SUGP2: variants seen among roughly 807,000 people sequenced by gnomAD.
The protein encoded by SUGP2 is SURP and G-patch domain-containing protein 2.
SUGP2 carries 24 observed loss-of-function variants against 90.5 expected under a neutral mutation model. The ratio of observed to expected loss-of-function variants is 0.27; its 90% CI spans 0.19 to 0.37. SUGP2 has a LOEUF of 0.37. SUGP2 is among the 10% of genes least tolerant of loss of function. SUGP2 has a pLI of 1.00. For missense variants in SUGP2, 1,233 were observed against 1,363.3 expected, an observed-to-expected ratio of 0.90 and a Z score of 1.51; for synonymous variants, 473 against 513.4, an observed-to-expected ratio of 0.92 and a Z score of 1.06.
Position 19,004,220 on chromosome 19 carries a change from C to T in SUGP2, c.2877G>A (p.Lys959=). 6.2e-7 allele frequency: 1 copy of T among 1,601,538 alleles called. No homozygotes were observed. Among genetic ancestry groups the T allele is most frequent in the Non-Finnish European group, 8.5e-7 (1 of 1,172,820 alleles). The change falls in exon 7 of 11, where the codon AAG becomes AAA. Residue 959 remains lysine, a synonymous_variant. Transcript: ENST00000452918. ...PRKRISSKSL[K]VGMIPAPKRV... ...TCTTGGGAGCTGGAATCATGCCAACCTTCAATGACTTGCTGCTGATCCTCT... is the reference window on the plus strand; with the variant it reads ...TCTTGGGAGCTGGAATCATGCCAACTTTCAATGACTTGCTGCTGATCCTCT...
At chr19:19,009,244 C>T (rs207477023) in intron 5 of SUGP2, among the ~76,000 whole-genome samples, 11 of 152,132 alleles carry the variant, frequency 7.2e-5, no homozygotes, top group African/African-American at 2.4e-4. Flanking sequence ...CAGTTTGGAA[C>T]GGCTCACGAC....
intron 5 of SUGP2, 93 bp from the exon 6 acceptor site, chr19:19,008,521 G>A (rs1311708356): frequency 1.0e-6 from 1 of 980,838 alleles, no homozygotes; most frequent in Middle Eastern, 2.8e-4. Flanking sequence ...TATAAAGATG[G>A]CCTGCATGTC....
chr19:19,033,430 G>C lies in SUGP2; in HGVS notation c.-12+7C>G, dbSNP rs950304849. The C allele has an allele frequency of 8.0e-6, 11 of 1,373,828 alleles. No individual in the cohort carries two copies. The highest frequency in any genetic ancestry group is 1.4e-5 in the South Asian group (1 of 71,228). 85.1% of individuals were successfully genotyped at this position (1,373,828 alleles called of 1,614,324 possible). On this transcript the variant is annotated splice_region_variant and intron_variant, in intron 1 of 10. Coordinates refer to ENST00000452918, the MANE Select transcript of SUGP2 (RefSeq NM_001017392.5). Reference sequence around the variant, plus strand: ...ACCCACCGACGACGCCAGGGCCCGGGCCTCACCCCGAGACCACCGCGCGCG... The same window carrying C: ...ACCCACCGACGACGCCAGGGCCCGGCCCTCACCCCGAGACCACCGCGCGCG...
At chr19:18,994,152 G>A (rs2057475427) in intron 10 of SUGP2, 2 of 602,630 alleles carry the variant, frequency 3.3e-6, no homozygotes, top group Non-Finnish European at 5.5e-6. Flanking sequence ...CCCTTGGCCA[G>A]TGTGAGGTTT....
chr19:19,025,010 G>C lies in SUGP2; in HGVS notation c.1338C>G (p.Ala446=), dbSNP rs768942039. ...TGACACTTAGCTCGTAGGCATTGCA[G>C]GCCATAAGCAAAGGTGTGACACTCT... ...LLKSVTPLLM[A]CNAYELSVKM... Residue 446 remains alanine, a synonymous_variant, in exon 3 of 11, where the codon GCC becomes GCG. Transcript: ENST00000452918. 1 of 1,614,210 alleles carries C rather than the reference G, an allele frequency of 6.2e-7. No homozygotes were observed. Among genetic ancestry groups the C allele is most frequent in the Non-Finnish European group, 8.5e-7 (1 of 1,180,046 alleles).
At chr19:19,014,007 A>G (rs1401293029) in intron 4 of SUGP2, among the ~76,000 whole-genome samples, 2 of 152,080 alleles carry the variant, frequency 1.3e-5, no homozygotes, top group Non-Finnish European at 2.9e-5. Flanking sequence ...TCATTGATTG[A>G]TTTGAGACGG....
intron 3 of SUGP2, among the ~76,000 whole-genome samples, chr19:19,023,950 G>GA (rs199684887): frequency 8.7e-5 from 13 of 150,004 alleles, no homozygotes; most frequent in African/African-American, 2.9e-4. Flanking sequence ...AGGTTAAAAA[G>GA]AAAAAAAAAG....
At chr19:19,019,536 ATTAC>A (rs1247004150) in intron 3 of SUGP2, among the ~76,000 whole-genome samples, 5 of 152,284 alleles carry the variant, frequency 3.3e-5, no homozygotes, top group South Asian at 2.1e-4. Context: ...TTTTTCACAT[ATTAC>A]TTAATAATTT....
chr19:19,004,625 A>G lies in SUGP2; in HGVS notation c.2472T>C (p.Ser824=). ...TCTTTCGATAGAATTTGAAAGCAGA[A>G]CTATTTTGGTCATGTAGAAACCTGG... is the stretch of plus-strand genomic sequence containing the variant. The part of the protein sequence containing the change: ...PDLWFLHDQN[S]SAFKFYRKKV... Residue 824 remains serine (S), a synonymous_variant, in exon 7 of 11, where the codon AGT becomes AGC. Coordinates refer to ENST00000452918, the MANE Select transcript of SUGP2 (RefSeq NM_001017392.5). The G allele has an allele frequency of 1.2e-6, 2 of 1,609,930 alleles. No homozygotes were observed. The highest frequency in any genetic ancestry group is 2.2e-5 in the South Asian group (2 of 90,798).
chr19:18,994,236 A>T, intron 10 of SUGP2, 130 bp downstream of exon 10: 1 of 1,274,680 alleles, frequency 7.8e-7, no homozygotes, highest in Non-Finnish European at 1.1e-6. Context: ...CCCTCACAGA[A>T]TTTTGTGATT....
rs2059133824 is a variant in SUGP2, at chr19:19,031,096, G to GA, written c.-11-15dup. On this transcript the variant is annotated splice_polypyrimidine_tract_variant and intron_variant, in intron 1 of 10. Coordinates refer to ENST00000452918, the MANE Select transcript of SUGP2 (RefSeq NM_001017392.5). The stretch of plus-strand genomic sequence containing the variant: ...TGTTATTTTGCCCTATGGTGAGAGA[G>GA]AAAAAAATACACTAAGAGCAACAAC... The GA allele has an allele frequency of 6.2e-7, 1 of 1,602,102 alleles. No individual in the cohort carries two copies. The highest frequency in any genetic ancestry group is 8.5e-7 in the Non-Finnish European group (1 of 1,176,400).
chr19:19,020,260 T>C (rs1359666796), intron 3 of SUGP2, among the ~76,000 whole-genome samples: 2 of 151,122 alleles, frequency 1.3e-5, no homozygotes, highest in Non-Finnish European at 1.5e-5. Flanking sequence ...AAACTCCATT[T>C]CTACTAAAAA....
At chr19:19,031,192 G>C in intron 1 of SUGP2, 110 bp from the exon 2 acceptor site, 1 of 1,172,800 alleles carries the variant, frequency 8.5e-7, no homozygotes, top group South Asian at 1.5e-5. Context: ...CGGATCACCT[G>C]AGCTCAGGAG....
chr19:19,025,061 T>C lies in SUGP2; in HGVS notation c.1287A>G (p.Ile429Met). The C allele has an allele frequency of 6.2e-7, 1 of 1,614,216 alleles. No individual in the cohort carries two copies. Among genetic ancestry groups the C allele is most frequent in the Non-Finnish European group, 8.5e-7 (1 of 1,180,046 alleles). ...FEIIKPFDKY[I>M]MRLQDRLLKS... ...TCAGAAGCCGGTCTTGAAGTCTCAT[T>C]ATGTACTTGTCAAAAGGCTTTATGA... Residue 429 changes from isoleucine (I) to methionine (M), a missense_variant, in exon 3 of 11, where the codon ATA (isoleucine) becomes ATG (methionine). Transcript: ENST00000452918.
chr19:18,998,902 G>A lies in SUGP2; in HGVS notation c.2991+2711C>T, dbSNP rs1255502315. 2.6e-5 allele frequency: 4 copies of A among 152,424 alleles called. No individual in the cohort carries two copies. In the East Asian group the frequency reaches 7.7e-4, roughly 29 times the overall value. The allele number at this position is 152,424 out of a possible 1,614,324, so 9.4% of individuals were successfully genotyped here. ...CCTTGCCATGAGAAAGTGGCCTGGAGAAAAGAGGTGACAGAACCCACCGGC... is the reference window on the plus strand; with the variant it reads ...CCTTGCCATGAGAAAGTGGCCTGGAAAAAAGAGGTGACAGAACCCACCGGC... On this transcript the variant is annotated intron_variant, in intron 8 of 10. Transcript: ENST00000452918.
At chr19:19,001,151 G>C (rs1373037680) in intron 8 of SUGP2, among the ~76,000 whole-genome samples, 1 of 152,088 alleles carries the variant, frequency 6.6e-6, no homozygotes, top group Admixed American at 6.6e-5. Context: ...GAGTGGCTGG[G>C]ACTACAGGCG....
chr19:19,028,195 G>A (rs1178762873), intron 2 of SUGP2, among the ~76,000 whole-genome samples: 3 of 152,156 alleles, frequency 2.0e-5, no homozygotes, highest in Admixed American at 6.6e-5. Flanking sequence ...GGGATGACCT[G>A]GGCATCAGGG....
chr19:19,015,188 C>T (rs924713470), intron 4 of SUGP2, among the ~76,000 whole-genome samples: 7 of 147,266 alleles, frequency 4.8e-5, no homozygotes, highest in East Asian at 2.0e-4. Context: ...GGGGACAGAG[C>T]GAGACTCTGT....
intron 6 of SUGP2, among the ~76,000 whole-genome samples, chr19:19,007,693 TGATCCACCCGCCTCAGCCTCCCAA>T (rs2058134858): frequency 6.6e-6 from 1 of 150,588 alleles, no homozygotes; most frequent in South Asian, 2.1e-4. Context: ...CCTGACCTCA[TGATCCACCCGCCTCAGCCTCCCAA>T]AGTGCGGGGA....
Sources: allele counts gnomAD v4.1 joint callset (sites outside exome capture counted in the v4.1 genomes callset), GRCh38; gene constraint gnomAD v4.1.1; transcripts MANE v1.5; gene names NCBI Gene and HGNC (gene_info 2026-07-23, HGNC 2026-07-21).